LRP1B: variants seen among roughly 807,000 people sequenced by gnomAD.
LRP1B encodes the protein low-density lipoprotein receptor-related protein 1B.
A neutral mutation model predicts 556.6 loss-of-function variants in LRP1B; 217 were observed. That is an observed-to-expected ratio of 0.39 (90% CI 0.35 to 0.44). The LOEUF is 0.44. Among genes scored for constraint, LRP1B ranks in the 20% least tolerant of loss-of-function variants. The pLI, the probability that LRP1B is intolerant of heterozygous loss-of-function variation, is 1.00. For synonymous variants in LRP1B, 2,047 were observed against 1,865.8 expected (o/e 1.10, Z -2.50); for missense variants, 5,053 against 5,620.8 (o/e 0.90, Z 3.23).
chr2:140,964,395 T>A (rs1198747955), intron 18 of LRP1B, among the ~76,000 whole-genome samples: 4 of 151,820 alleles, frequency 2.6e-5, no homozygotes, highest in African/African-American at 9.7e-5. Context: ...TTCTCTAAAC[T>A]CCCCCAGGGA....
chr2:141,036,224 A>G (rs1264457659), intron 11 of LRP1B, among the ~76,000 whole-genome samples: 5 of 152,108 alleles, frequency 3.3e-5, no homozygotes, highest in African/African-American at 1.2e-4. Flanking sequence ...GGCGACTACC[A>G]TAATAGCAGA....
chr2:140,953,652 TCA>T (rs1695786252), intron 18 of LRP1B, among the ~76,000 whole-genome samples: 1 of 152,204 alleles, frequency 6.6e-6, no homozygotes, highest in Non-Finnish European at 1.5e-5. Context: ...ATGTTACTCA[TCA>T]ATCAATCAGT....
chr2:141,241,264 C>T (rs1021041138), intron 5 of LRP1B, among the ~76,000 whole-genome samples: 1 of 152,012 alleles, frequency 6.6e-6, no homozygotes, highest in African/African-American at 2.4e-5. Flanking sequence ...ATTTTAATGG[C>T]CAGGCTACCG....
At chr2:141,810,452 A>G (rs764584194) in intron 1 of LRP1B, 51 bp from the exon 2 acceptor site, 2 of 1,587,256 alleles carry the variant, frequency 1.3e-6, no homozygotes, top group Admixed American at 3.4e-5. Flanking sequence ...GAACATGGGC[A>G]GAACGAGCAG....
intron 2 of LRP1B, among the ~76,000 whole-genome samples, chr2:141,496,155 A>G (rs564930591): frequency 2.0e-5 from 3 of 152,078 alleles, no homozygotes; most frequent in African/African-American, 7.2e-5. Flanking sequence ...ATATTATTAA[A>G]CAATTTCACC....
At chr2:142,107,542 G>T (rs555444929) in intron 1 of LRP1B, among the ~76,000 whole-genome samples, 1 of 152,196 alleles carries the variant, frequency 6.6e-6, no homozygotes, top group Non-Finnish European at 1.5e-5. Context: ...TAGTCTCAAC[G>T]TTTTTGTTTC....
chr2:140,290,796 G>A (rs926508742), intron 84 of LRP1B, among the ~76,000 whole-genome samples: 2 of 152,014 alleles, frequency 1.3e-5, no homozygotes, highest in African/African-American at 4.8e-5. Context: ...TGAGCTTTGA[G>A]TGTTCTAGTG....
chr2:141,869,520 A>G (rs1698517710), intron 1 of LRP1B, among the ~76,000 whole-genome samples: 1 of 152,090 alleles, frequency 6.6e-6, no homozygotes, highest in South Asian at 2.1e-4. Flanking sequence ...CGAACCTAGG[A>G]AAGCTGCCTA....
At chr2:141,097,393 A>T (rs902756887) in intron 7 of LRP1B, among the ~76,000 whole-genome samples, 2 of 152,214 alleles carry the variant, frequency 1.3e-5, no homozygotes, top group African/African-American at 4.8e-5. Flanking sequence ...TCTATTAAGC[A>T]AGTATCTGTG....
At chr2:140,305,048 G>C (rs1383966227) in intron 83 of LRP1B, among the ~76,000 whole-genome samples, 8 of 152,090 alleles carry the variant, frequency 5.3e-5, no homozygotes, top group Non-Finnish European at 8.8e-5. Context: ...ATGCTGTTTT[G>C]GTTACTGTAG....
chr2:142,049,377 T>G (rs1255463286), intron 1 of LRP1B, among the ~76,000 whole-genome samples: 3 of 152,116 alleles, frequency 2.0e-5, no homozygotes, highest in Non-Finnish European at 2.9e-5. Flanking sequence ...TAATATAGCT[T>G]TATTGCAACT....
intron 63 of LRP1B, among the ~76,000 whole-genome samples, chr2:140,446,343 A>G (rs1686659284): frequency 6.6e-6 from 1 of 152,166 alleles, no homozygotes; most frequent in Non-Finnish European, 1.5e-5. Context: ...TTAGAGTATT[A>G]TAAGAAACAT....
At chr2:140,758,018 ACT>A (rs1688795179) in intron 35 of LRP1B, among the ~76,000 whole-genome samples, 1 of 152,202 alleles carries the variant, frequency 6.6e-6, no homozygotes, top group South Asian at 2.1e-4. Context: ...TGGCTGCACA[ACT>A]CTGTAAATAT....
At chr2:141,419,013 CT>C (rs1175252347) in intron 3 of LRP1B, among the ~76,000 whole-genome samples, 1 of 152,016 alleles carries the variant, frequency 6.6e-6, no homozygotes, top group African/African-American at 2.4e-5. Flanking sequence ...TTGAATATTA[CT>C]TTTTTTGAGT....
intron 63 of LRP1B, among the ~76,000 whole-genome samples, chr2:140,445,395 GT>G (rs1181747743): frequency 6.6e-6 from 1 of 152,072 alleles, no homozygotes; most frequent in Non-Finnish European, 1.5e-5. Context: ...GATTACAGGC[GT>G]GAGTCACTGC....
intron 83 of LRP1B, among the ~76,000 whole-genome samples, chr2:140,314,067 C>T (rs1684416605): frequency 6.6e-6 from 1 of 151,866 alleles, no homozygotes; most frequent in African/African-American, 2.4e-5. Context: ...CTTCAAAACA[C>T]AGCATAAACA....
chr2:141,372,734 T>C (rs1689276617), intron 3 of LRP1B, among the ~76,000 whole-genome samples: 1 of 152,080 alleles, frequency 6.6e-6, no homozygotes, highest in South Asian at 2.1e-4. Context: ...TATCTCCTTT[T>C]TCATTGCTGT....
chr2:140,362,679 C>T (rs927506059), intron 72 of LRP1B, among the ~76,000 whole-genome samples: 1 of 151,608 alleles, frequency 6.6e-6, no homozygotes, highest in African/African-American at 2.4e-5. Flanking sequence ...CACACTTTCA[C>T]TCCCAACCTC....
intron 1 of LRP1B, among the ~76,000 whole-genome samples, chr2:141,884,673 T>A (rs1458908923): frequency 1.3e-5 from 2 of 152,244 alleles, no homozygotes; most frequent in Admixed American, 6.5e-5. Flanking sequence ...TGACAATGTC[T>A]GAACATATTT....
Sources: allele counts gnomAD v4.1 joint callset (sites outside exome capture counted in the v4.1 genomes callset), GRCh38; gene constraint gnomAD v4.1.1; transcripts MANE v1.5; gene names NCBI Gene and HGNC (gene_info 2026-07-23, HGNC 2026-07-21).